Variants in CNBD1 observed in about 807,000 individuals in gnomAD.
The protein encoded by CNBD1 is cyclic nucleotide binding domain containing 1.
In CNBD1, 71 loss-of-function variants were observed where a neutral mutation model predicts 54.4. The observed-to-expected ratio is 1.30, with a 90% CI of 1.08 to 1.59. The LOEUF (loss-of-function observed/expected upper bound fraction) is 1.59. Among genes scored for constraint, CNBD1 ranks in the 40% most tolerant of loss-of-function variants. The pLI is 0.00. For synonymous variants in CNBD1, 182 were observed against 170.7 expected (o/e 1.07, Z -0.51); for missense variants, 659 against 518.0 (o/e 1.27, Z -2.64).
At chr8:87,016,407 T>C (rs1405153967) in intron 4 of CNBD1, among the ~76,000 whole-genome samples, 1 of 151,302 alleles carries the variant, frequency 6.6e-6, no homozygotes, top group Admixed American at 6.6e-5. Context: ...TAAGAAACTG[T>C]TTAAAACTTG....
intron 4 of CNBD1, among the ~76,000 whole-genome samples, chr8:87,037,462 C>T (rs1310612354): frequency 6.6e-6 from 1 of 152,076 alleles, no homozygotes; most frequent in Non-Finnish European, 1.5e-5. Context: ...TAGCATTCTT[C>T]TTCTGGAATT....
rs1371077660 is a variant in CNBD1, at chr8:87,410,253, A to G, written c.214-18293A>G. 4.6e-5 allele frequency among the ~76,000 whole-genome samples: 7 copies of G among 152,132 alleles called. No homozygotes were observed. In the East Asian group the frequency reaches 1.2e-3, roughly 25 times the overall value. Reference sequence around the variant, plus strand: ...ACAACATTTATTCTATAGCCCAAGGATTGAAAAGTAATTTCGATTTTCAAG... The same window carrying G: ...ACAACATTTATTCTATAGCCCAAGGGTTGAAAAGTAATTTCGATTTTCAAG... On this transcript the variant is annotated intron_variant, in intron 2 of 7. Transcript: ENST00000521593.
chr8:87,170,415 T>C (rs1203097069), intron 4 of CNBD1, among the ~76,000 whole-genome samples: 2 of 152,184 alleles, frequency 1.3e-5, no homozygotes, highest in East Asian at 1.9e-4. Context: ...TAATAAACTT[T>C]CTCTTATCTG....
intron 8 of CNBD1, among the ~76,000 whole-genome samples, chr8:87,324,636 GATCAGTGGTGAT>G (rs1174828885): frequency 6.6e-6 from 1 of 151,250 alleles, no homozygotes; most frequent in African/African-American, 2.4e-5. Context: ...ATTTCTGTGG[GATCAGTGGTGAT>G]ATCCACTTTA....
intron 4 of CNBD1, among the ~76,000 whole-genome samples, chr8:86,952,008 A>G (rs932868602): frequency 1.1e-4 from 16 of 152,326 alleles, no homozygotes; most frequent in Non-Finnish European, 2.2e-4. Flanking sequence ...CCCTTTGCTC[A>G]CTGAGATAAA....
chr8:87,192,918 C>T (rs1179942328), intron 4 of CNBD1, among the ~76,000 whole-genome samples: 1 of 152,134 alleles, frequency 6.6e-6, no homozygotes, highest in Admixed American at 6.5e-5. Context: ...TGCCCTTGCC[C>T]AATCCTTCTA....
chr8:87,149,345 A>G (rs1812553705), intron 4 of CNBD1, among the ~76,000 whole-genome samples: 1 of 152,178 alleles, frequency 6.6e-6, no homozygotes, highest in African/African-American at 2.4e-5. Flanking sequence ...AAATGGCATT[A>G]TGACATTTTT....
chr8:86,974,742 C>T (rs557426418), intron 4 of CNBD1, among the ~76,000 whole-genome samples: 14 of 151,940 alleles, frequency 9.2e-5, no homozygotes, highest in East Asian at 1.9e-4. Context: ...AATATAAATA[C>T]ACATGATGAA....
At chr8:87,399,727 G>T (rs1404849704) in intron 2 of CNBD1, among the ~76,000 whole-genome samples, 1 of 151,910 alleles carries the variant, frequency 6.6e-6, no homozygotes, top group South Asian at 2.1e-4. Flanking sequence ...ATTTAGCAGT[G>T]GGGCATTATG....
At chr8:87,258,260 C>G (rs1808059501) in intron 6 of CNBD1, among the ~76,000 whole-genome samples, 1 of 151,982 alleles carries the variant, frequency 6.6e-6, no homozygotes. Flanking sequence ...ATAAGGCATT[C>G]ATTTAGCCAA....
intron 8 of CNBD1, among the ~76,000 whole-genome samples, chr8:87,307,748 T>TATATATA (rs1554577847): frequency 2.2e-5 from 3 of 138,092 alleles, no homozygotes; most frequent in Non-Finnish European, 3.1e-5. Flanking sequence ...AAAAAAAAAA[T>TATATATA]TATATATATA....
intron 4 of CNBD1, among the ~76,000 whole-genome samples, chr8:87,039,108 A>G (rs993070586): frequency 1.1e-4 from 17 of 151,988 alleles, no homozygotes; most frequent in African/African-American, 3.4e-4. Context: ...TGTCTCTTCT[A>G]TTATCTCTGT....
At chr8:87,217,888 A>G (rs1278746703) in intron 5 of CNBD1, among the ~76,000 whole-genome samples, 2 of 152,138 alleles carry the variant, frequency 1.3e-5, no homozygotes, top group Non-Finnish European at 2.9e-5. Flanking sequence ...TGGTATTTAA[A>G]CAAATTTTAA....
chr8:87,088,677 C>G (rs1811148742), intron 4 of CNBD1, among the ~76,000 whole-genome samples: 1 of 151,938 alleles, frequency 6.6e-6, no homozygotes, highest in East Asian at 1.9e-4. Flanking sequence ...TTTTCTATTA[C>G]TAAAAGGTTT....
chr8:87,245,612 T>TA (rs375361889), intron 6 of CNBD1, among the ~76,000 whole-genome samples: 68 of 151,754 alleles, frequency 4.5e-4, no homozygotes, highest in Non-Finnish European at 8.5e-4. Context: ...TATGTAAGAT[T>TA]AAAAAAAAGT....
chr8:86,898,004 T>A (rs1332231866), intron 2 of CNBD1, among the ~76,000 whole-genome samples: 1 of 152,190 alleles, frequency 6.6e-6, no homozygotes, highest in Non-Finnish European at 1.5e-5. Context: ...AAGTATGGCA[T>A]ATTAATACCA....
intron 5 of CNBD1, among the ~76,000 whole-genome samples, chr8:87,211,281 G>A (rs891903084): frequency 1.3e-5 from 2 of 152,134 alleles, no homozygotes; most frequent in Non-Finnish European, 2.9e-5. Context: ...GCTCATAGGT[G>A]GGAGGAACAT....
chr8:86,946,830 T>C (rs569180723), intron 4 of CNBD1, among the ~76,000 whole-genome samples: 13 of 152,308 alleles, frequency 8.5e-5, no homozygotes, highest in African/African-American at 3.1e-4. Context: ...AAAATATTAC[T>C]TGCCTTCCTC....
intron 4 of CNBD1, among the ~76,000 whole-genome samples, chr8:86,977,025 G>C (rs1808358820): frequency 6.6e-6 from 1 of 151,674 alleles, no homozygotes; most frequent in Non-Finnish European, 1.5e-5. Context: ...TCTTTCTCTT[G>C]CAAAATTGCT....
Sources: gnomAD v4.1 joint callset for allele counts (sites outside exome capture counted in the v4.1 genomes callset) on GRCh38, gnomAD v4.1.1 for gene constraint, MANE v1.5 for transcripts, NCBI Gene and HGNC (gene_info 2026-07-23, HGNC 2026-07-21) for gene names.